CDT1: variants seen among roughly 807,000 people sequenced by gnomAD.
The protein encoded by CDT1 is DNA replication factor Cdt1.
CDT1 carries 66 observed loss-of-function variants against 49.3 expected under a neutral mutation model. The observed-to-expected ratio is 1.34, with a 90% CI of 1.10 to 1.64. The LOEUF (loss-of-function observed/expected upper bound fraction) is 1.64. CDT1 is among the 40% of genes most tolerant of loss of function. CDT1 has a pLI of 0.00. For missense variants in CDT1, 958 were observed against 807.7 expected (o/e 1.19, Z -2.26); for synonymous variants, 424 against 347.4 (o/e 1.22, Z -2.45).
In CDT1 at chr16:88,806,572, A is replaced by AC; in HGVS notation, c.1023dup (p.Asp342ArgfsTer115). On this transcript the variant is annotated frameshift_variant, in exon 7 of 10. Coordinates refer to ENST00000301019, the MANE Select transcript of CDT1 (RefSeq NM_030928.4). LOFTEE classifies it high-confidence loss of function. Reference sequence around the variant, plus strand: ...ACCCGCGCTTCAACGTGGATGAAGTACCCGACATCGAGCCGGCCGCGCTGC... The same window carrying AC: ...ACCCGCGCTTCAACGTGGATGAAGTACCCCGACATCGAGCCGGCCGCGCTGC... 1 of 1,608,128 alleles carries AC rather than the reference A, an allele frequency of 6.2e-7. No individual in the cohort carries two copies. Among genetic ancestry groups the AC allele is most frequent in the Non-Finnish European group, 8.5e-7 (1 of 1,178,062 alleles).
At chr16:88,804,500 C>T (rs1280165122) in intron 1 of CDT1, 45 bp from the exon 2 acceptor site, 7 of 1,599,400 alleles carry the variant, frequency 4.4e-6, no homozygotes, top group African/African-American at 4.0e-5. Flanking sequence ...GAGCCAGGAG[C>T]ACCAGGTCTT....
chr16:88,805,867 AG>A lies in CDT1; in HGVS notation c.832+1del, dbSNP rs1567501687. 1.2e-6 allele frequency: 2 copies of A among 1,612,966 alleles called. No homozygotes were observed. Among genetic ancestry groups the A allele is most frequent in the South Asian group, 2.2e-5 (2 of 91,012 alleles). On this transcript the variant is annotated frameshift_variant and splice_region_variant, in exon 5 of 10. Transcript: ENST00000301019. LOFTEE classifies it high-confidence loss of function. ...CTCACCATCGAGCCACTGCTGGAGCAGGGTGAGTGCTGGGTGCGGGACCTCG... is the reference window on the plus strand; with the variant it reads ...CTCACCATCGAGCCACTGCTGGAGCAGGTGAGTGCTGGGTGCGGGACCTCG... Reference protein sequence around the residue: ...YQLTIEPLLEQEADGAAPQLT... With the variant: ...YQLTIEPLLEXEADGAAPQLT...
intron 3 of CDT1, 42 bp downstream of exon 3, chr16:88,804,940 G>A (rs1181775578): frequency 2.6e-6 from 4 of 1,533,680 alleles, no homozygotes; most frequent in Non-Finnish European, 3.5e-6. Context: ...GGCAAAGGCC[G>A]GGTTGGTGGC....
intron 9 of CDT1, 67 bp downstream of exon 9, chr16:88,807,549 G>A (rs908267383): frequency 7.0e-7 from 1 of 1,434,702 alleles, no homozygotes; most frequent in Non-Finnish European, 9.7e-7. Flanking sequence ...TGCCTCCCCA[G>A]CTTTCTGAGC....
chr16:88,805,780 G>T lies in CDT1; in HGVS notation c.743G>T (p.Arg248Leu), dbSNP rs780256305. ...QIKTVYPASY[R>L]FRQERSVPTF... ...AAAACCGTGTACCCGGCCTCCTACC[G>T]CTTCCGCCAGGAGCGCAGTGTCCCC... Residue 248 changes from arginine (R) to leucine (L), a missense_variant, in exon 5 of 10, where the codon CGC becomes CTC. Transcript: ENST00000301019. The T allele has an allele frequency of 1.6e-5, 26 of 1,613,106 alleles. No individual in the cohort carries two copies. In the South Asian group the frequency reaches 2.7e-4, roughly 17 times the overall value.
rs747440683 is a variant in CDT1, at chr16:88,807,348, TGCA to T, written c.1346_1348del (p.Gln449del). ...CGGTGCCCGGAGCAGGAGCAGCGGC[TGCA>T]GCGCTTAGAACGGCTGCCTGAGCTG... On this transcript the variant is annotated inframe_deletion, in exon 9 of 10. Transcript: ENST00000301019. 8.1e-6 allele frequency: 13 copies of T among 1,612,662 alleles called. No individual in the cohort carries two copies. In the South Asian group the frequency reaches 9.9e-5, roughly 12 times the overall value.
In CDT1 at chr16:88,805,039, C is replaced by T. The variant is rs935026657; in HGVS notation, c.488+141C>T. On this transcript the variant is annotated intron_variant, in intron 3 of 9. Transcript: ENST00000301019. ...GGTCACCAGGGCGCGGACCCAGACC[C>T]CTGAGAAAAAGGTCCCGGGCACTGC... is the stretch of plus-strand genomic sequence containing the variant. 5 of 1,215,154 alleles carry T rather than the reference C, an allele frequency of 4.1e-6. No individual in the cohort carries two copies. The African/African-American group carries it at 4.6e-5, about 11-fold the overall frequency. The allele number at this position is 1,215,154 out of a possible 1,614,324, so 75.3% of individuals were successfully genotyped here. A position where few individuals can be genotyped will look rare whatever the true frequency, so the allele number is the denominator to read the frequency against.
Position 88,806,087 on chromosome 16 carries a change from A to G in CDT1, c.899A>G (p.Gln300Arg). The change falls in exon 6 of 10, where the codon CAG becomes CGG. Residue 300 changes from glutamine to arginine, a missense_variant. Transcript: ENST00000301019. The stretch of plus-strand genomic sequence containing the variant: ...CTGCAGCGACGGCAGATCTTCAGCC[A>G]GAAGCTGGTGGAGCATGTCAAGGAG... ...RLLQRRQIFSQKLVEHVKEHH... is the reference protein window; with the variant it reads ...RLLQRRQIFSRKLVEHVKEHH... 6.2e-7 allele frequency: 1 copy of G among 1,602,132 alleles called. No homozygotes were observed.
At chr16:88,807,019 G>T in intron 7 of CDT1, 32 bp from the exon 8 acceptor site, 1 of 1,612,652 alleles carries the variant, frequency 6.2e-7, no homozygotes, top group South Asian at 1.1e-5. Flanking sequence ...TGCATCTTGT[G>T]ACCTCTCCAG....
chr16:88,806,996 G>T, intron 7 of CDT1, 55 bp from the exon 8 acceptor site: 6 of 1,609,906 alleles, frequency 3.7e-6, no homozygotes, highest in Non-Finnish European at 4.2e-6. Context: ...TGGGCAGACA[G>T]CCAGGGGCAC....
rs768834459 is a variant in CDT1 at position 88,804,744 on chromosome 16, C to A, written c.352-18C>A. 1.2e-6 allele frequency: 2 copies of A among 1,612,802 alleles called. No homozygotes were observed. Among genetic ancestry groups the A allele is most frequent in the Non-Finnish European group, 1.7e-6 (2 of 1,179,886 alleles). On this transcript the variant is annotated intron_variant, in intron 2 of 9. Coordinates refer to ENST00000301019, the MANE Select transcript of CDT1 (RefSeq NM_030928.4). ...GCCTGCCTGCCTGACGGCACCGTGT[C>A]CCCTGATCCCCCTGAAGGACACCAT...
In CDT1 at chr16:88,807,402, T is replaced by C. The variant is rs1192528404; in HGVS notation, c.1397T>C (p.Val466Ala). Residue 466 changes from valine to alanine, a missense_variant, in exon 9 of 10, where the codon GTG (valine) becomes GCG (alanine). Transcript: ENST00000301019. ...GCCCGCGTGCTGCGGAGCGTCTTTG[T>C]GTCCGAACGCAAGCCTGCGCTCAGC... Reference protein sequence around the residue: ...ELARVLRSVFVSERKPALSME... With the variant: ...ELARVLRSVFASERKPALSME... The C allele has an allele frequency of 6.2e-6, 10 of 1,612,798 alleles. No individual in the cohort carries two copies. Among genetic ancestry groups the C allele is most frequent in the Non-Finnish European group, 8.5e-6 (10 of 1,180,002 alleles).
rs370961222 is a variant in CDT1 at position 88,806,012 on chromosome 16, G to A, written c.833-9G>A. ...CTGGTGGGGACTTAGGCCTGGACTC[G>A]TCCCACAGAGGCTGACGGAGCAGCC... On this transcript the variant is annotated splice_polypyrimidine_tract_variant and intron_variant, in intron 5 of 9. Coordinates refer to ENST00000301019, the MANE Select transcript of CDT1 (RefSeq NM_030928.4). The A allele has an allele frequency of 2.8e-5, 44 of 1,586,950 alleles. No homozygotes were observed. In the East Asian group the frequency reaches 3.7e-4, roughly 13 times the overall value.
rs373709218 is a variant in CDT1 at position 88,805,530 on chromosome 16, G to T, written c.579G>T (p.Leu193=). The change falls in exon 4 of 10, where the codon CTG becomes CTT. Residue 193 remains leucine (L), a synonymous_variant. Coordinates refer to ENST00000301019, the MANE Select transcript of CDT1 (RefSeq NM_030928.4). ...TGCTGCCCTACAAGTACCAGGTGCTGGCGGAGATGTTCCGCAGCATGGACA... is the reference window on the plus strand; with the variant it reads ...TGCTGCCCTACAAGTACCAGGTGCTTGCGGAGATGTTCCGCAGCATGGACA... ...GLVLPYKYQV[L]AEMFRSMDTI... 1 of 1,612,910 alleles carries T rather than the reference G, an allele frequency of 6.2e-7. No homozygotes were observed. Among genetic ancestry groups the T allele is most frequent in the Non-Finnish European group, 8.5e-7 (1 of 1,179,974 alleles).
At position 88,807,358 on chromosome 16, in the gene CDT1, A is replaced by T; in HGVS notation, c.1353A>T (p.Leu451Phe). The T allele has an allele frequency of 3.1e-6, 5 of 1,612,660 alleles. No homozygotes were observed. Among genetic ancestry groups the T allele is most frequent in the Non-Finnish European group, 4.2e-6 (5 of 1,179,936 alleles). The change falls in exon 9 of 10, where the codon TTA becomes TTT. Residue 451 changes from leucine (L) to phenylalanine (F), a missense_variant. Transcript: ENST00000301019. ...AGCAGGAGCAGCGGCTGCAGCGCTT[A>T]GAACGGCTGCCTGAGCTGGCCCGCG... ...CPEQEQRLQR[L>F]ERLPELARVL... is the part of the protein sequence containing the mutation.
At position 88,803,997 on chromosome 16, in the gene CDT1, G is replaced by T; in HGVS notation, c.166G>T (p.Ala56Ser). The T allele has an allele frequency of 6.9e-7, 1 of 1,447,876 alleles. No homozygotes were observed. Among genetic ancestry groups the T allele is most frequent in the Non-Finnish European group, 9.0e-7 (1 of 1,105,764 alleles). The allele number at this position is 1,447,876 out of a possible 1,614,324, so 89.7% of individuals were successfully genotyped here. ...GSRKRARPPA[A>S]PGRDQARPPA... ...CCGCAAGCGCGCCCGCCCGCCCGCCGCCCCCGGACGCGACCAGGCCAGGCC... is the reference window on the plus strand; with the variant it reads ...CCGCAAGCGCGCCCGCCCGCCCGCCTCCCCCGGACGCGACCAGGCCAGGCC... Residue 56 changes from alanine to serine, a missense_variant, in exon 1 of 10, where the codon GCC becomes TCC. Physicochemically the swap from Ala to Ser is moderately conservative, Grantham distance 99. Transcript: ENST00000301019.
rs1389853308 is a variant in CDT1, at chr16:88,808,262, C to A, written c.1625C>A (p.Ala542Asp). ...ITARLAHQTR[A>D]EEGL ...GCACGCCTGGCCCACCAGACACGTGCTGAGGAGGGGCTGTGAGCCTGGGGG... is the reference window on the plus strand; with the variant it reads ...GCACGCCTGGCCCACCAGACACGTGATGAGGAGGGGCTGTGAGCCTGGGGG... The change falls in exon 10 of 10, where the codon GCT (alanine) becomes GAT (aspartate). Residue 542 changes from alanine (A) to aspartate (D), a missense_variant. Ala to Asp is a moderately radical substitution (Grantham distance 126, BLOSUM62 -2). Coordinates refer to ENST00000301019, the MANE Select transcript of CDT1 (RefSeq NM_030928.4). The A allele has an allele frequency of 6.3e-7, 1 of 1,594,270 alleles. No homozygotes were observed. Among genetic ancestry groups the A allele is most frequent in the African/African-American group, 1.3e-5 (1 of 74,634 alleles).
At chr16:88,807,011 C>T (rs772057855) in intron 7 of CDT1, 40 bp from the exon 8 acceptor site, 1 of 1,612,376 alleles carries the variant, frequency 6.2e-7, no homozygotes, top group Non-Finnish European at 8.5e-7. Flanking sequence ...GGGCACGTTG[C>T]ATCTTGTGAC....
rs373408082 is a variant in CDT1 at position 88,808,146 on chromosome 16, C to T, written c.1509C>T (p.Ser503=). 40 of 1,612,634 alleles carry T rather than the reference C, an allele frequency of 2.5e-5. No homozygotes were observed. The highest frequency in any genetic ancestry group is 2.0e-4 in the East Asian group (9 of 44,882). ...GEMEKHLLLL[S]ELLPDWLSLH... ...TGGAGAAGCACCTGCTGCTCCTCTC[C>T]GAGCTGCTGCCGGACTGGCTCAGCC... The change falls in exon 10 of 10, where the codon TCC becomes TCT. Residue 503 remains serine (S), a synonymous_variant. Coordinates refer to ENST00000301019, the MANE Select transcript of CDT1 (RefSeq NM_030928.4).
Sources: gnomAD v4.1 joint callset for allele counts on GRCh38, gnomAD v4.1.1 for gene constraint, MANE v1.5 for transcripts, NCBI Gene and HGNC (gene_info 2026-07-23, HGNC 2026-07-21) for gene names.